The following RALY variants were observed in gnomAD, a reference collection of about 807,000 sequenced individuals.
RALY encodes RALY heterogeneous nuclear ribonucleoprotein.
A neutral mutation model predicts 30.7 loss-of-function variants in RALY; 15 were observed. That is an observed-to-expected ratio of 0.49 (90% CI 0.33 to 0.75). The LOEUF (loss-of-function observed/expected upper bound fraction) is 0.75, where lower values mean the gene tolerates loss of function less well. Among genes scored for constraint, RALY ranks in the 30% least tolerant of loss-of-function variants. The pLI is 0.02. For missense variants in RALY, 339 were observed against 414.3 expected, an observed-to-expected ratio of 0.82 and a Z score of 1.58; for synonymous variants, 177 against 170.8, an observed-to-expected ratio of 1.04 and a Z score of -0.28.
chr20:34,076,668 CT>C lies in RALY; in HGVS notation c.545-33del, dbSNP rs771253393. Reference sequence around the variant, plus strand: ...GTGCTAGTGTCAAGCCTCCAGCCCCCTAGGTGACAGCCCTGTCCCCCCTCCA... The same window carrying C: ...GTGCTAGTGTCAAGCCTCCAGCCCCCAGGTGACAGCCCTGTCCCCCCTCCA... On this transcript the variant is annotated intron_variant, in intron 6 of 9. Transcript: ENST00000246194. The C allele has an allele frequency of 1.6e-5, 25 of 1,579,092 alleles. No homozygotes were observed. The Middle Eastern group carries it at 2.0e-3, about 126-fold the overall frequency.
intron 1 of RALY, among the ~76,000 whole-genome samples, chr20:34,007,842 GT>G (rs1161221474): frequency 1.0e-5 from 1 of 95,470 alleles, no homozygotes; most frequent in Non-Finnish European, 2.3e-5. Flanking sequence ...AAAAAAAAAA[GT>G]TCCCTGGGCC....
intron 1 of RALY, among the ~76,000 whole-genome samples, chr20:34,030,434 C>T (rs1045426184): frequency 6.6e-6 from 1 of 152,212 alleles, no homozygotes; most frequent in African/African-American, 2.4e-5. Flanking sequence ...ATTCCACATT[C>T]CTGGGAACGA....
chr20:34,035,523 A>G (rs1601447986), intron 2 of RALY, among the ~76,000 whole-genome samples: 1 of 152,034 alleles, frequency 6.6e-6, no homozygotes, highest in African/African-American at 2.4e-5. Flanking sequence ...CAGAAAACCA[A>G]GTTTTTTTAT....
chr20:34,078,625 T>C (rs2033961473), intron 9 of RALY, 72 bp downstream of exon 9: 5 of 1,403,224 alleles, frequency 3.6e-6, no homozygotes, highest in Non-Finnish European at 3.8e-6. Flanking sequence ...TTTCCCTGGA[T>C]TGGGCAGGAA....
intron 2 of RALY, among the ~76,000 whole-genome samples, chr20:34,048,871 AT>A (rs1568679755): frequency 6.7e-6 from 1 of 150,278 alleles, no homozygotes; most frequent in African/African-American, 2.4e-5. Flanking sequence ...AAAAAAAAAA[AT>A]TTTCTCTGCA....
intron 1 of RALY, among the ~76,000 whole-genome samples, chr20:34,022,150 G>C (rs1381693135): frequency 6.9e-6 from 1 of 144,998 alleles, no homozygotes. Flanking sequence ...TGCTGGTCTC[G>C]AACTCCTGGG....
At chr20:34,076,158 C>G in intron 6 of RALY, 118 bp downstream of exon 6, 2 of 1,240,094 alleles carry the variant, frequency 1.6e-6, no homozygotes, top group South Asian at 3.0e-5. Flanking sequence ...AGTTCTGCTG[C>G]TCTAACACAG....
At chr20:34,018,332 AGTCCTCT>A (rs1396263838) in intron 1 of RALY, among the ~76,000 whole-genome samples, 1 of 152,194 alleles carries the variant, frequency 6.6e-6, no homozygotes, top group Admixed American at 6.5e-5. Flanking sequence ...GAAGAGCAGC[AGTCCTCT>A]GTCCTCTGGG....
intron 5 of RALY, 63 bp from the exon 6 acceptor site, chr20:34,075,811 G>A (rs1346779286): frequency 6.5e-7 from 1 of 1,530,044 alleles, no homozygotes; most frequent in African/African-American, 1.4e-5. Context: ...TGTAGCCGGA[G>A]CTGCAATACC....
chr20:34,022,046 C>T (rs1167661628), intron 1 of RALY, among the ~76,000 whole-genome samples: 2 of 151,116 alleles, frequency 1.3e-5, no homozygotes, highest in Non-Finnish European at 1.5e-5. Context: ...GCATGAGCCA[C>T]CACACTCAGC....
At chr20:34,043,224 C>T (rs528917594) in intron 2 of RALY, among the ~76,000 whole-genome samples, 2 of 152,330 alleles carry the variant, frequency 1.3e-5, no homozygotes, top group South Asian at 2.1e-4. Context: ...TCTTTTCTTC[C>T]TTGTGGTCTC....
chr20:34,067,816 C>CTT lies in RALY; in HGVS notation c.-9-4235_-9-4234dup, dbSNP rs11480087. On this transcript the variant is annotated intron_variant, in intron 2 of 9. Coordinates refer to ENST00000246194, the MANE Select transcript of RALY (RefSeq NM_016732.3). ...CTCAAACGTAGCTTTTTTCTTTTTT[C>CTT]TTTTTTTTTTTTTTTTGAGACACTG... 4.6e-3 allele frequency among the ~76,000 whole-genome samples: 615 copies of CTT among 132,620 alleles called. 17 individuals carry two copies. The highest frequency in any genetic ancestry group is 0.015 in the South Asian group (62 of 4,184). 87.0% of individuals were successfully genotyped at this position (132,620 alleles called of 152,430 possible). A position where few individuals can be genotyped will look rare whatever the true frequency, so the allele number is the denominator to read the frequency against.
intron 2 of RALY, among the ~76,000 whole-genome samples, chr20:34,066,174 T>C (rs946252820): frequency 4.0e-5 from 6 of 151,308 alleles, no homozygotes; most frequent in African/African-American, 1.5e-4. Flanking sequence ...ATCCTCTTTT[T>C]TTTTTTTTTT....
intron 1 of RALY, among the ~76,000 whole-genome samples, chr20:34,025,151 G>T (rs1232781523): frequency 6.6e-6 from 1 of 152,186 alleles, no homozygotes; most frequent in Non-Finnish European, 1.5e-5. Flanking sequence ...GGGGAGCCCT[G>T]CCTGAGGGAG....
intron 1 of RALY, chr20:34,017,344 A>G (rs1024215710): frequency 6.6e-6 from 1 of 152,224 alleles, no homozygotes; most frequent in South Asian, 2.1e-4. Context: ...CTATTGTACT[A>G]TGCTATTAAT....
At chr20:34,077,362 C>T (rs1015499859) in intron 8 of RALY, 117 bp downstream of exon 8, 3 of 1,547,364 alleles carry the variant, frequency 1.9e-6, no homozygotes, top group Non-Finnish European at 2.6e-6. Flanking sequence ...CTGTTCTCTC[C>T]TTCCCAGGGG....
At chr20:34,009,220 GGT>G (rs2031292514) in intron 1 of RALY, among the ~76,000 whole-genome samples, 1 of 151,154 alleles carries the variant, frequency 6.6e-6, no homozygotes, top group Non-Finnish European at 1.5e-5. Context: ...GTTTTGTTTT[GGT>G]GTGTGTGTGG....
Position 34,036,370 on chromosome 20 carries a change from A to G in RALY, c.-10+4766A>G, listed in dbSNP as rs1319904454. ...TTATGGTCTTTGTTCTTTATTCTAC[A>G]TTGACATTACATTAATTGATTTTCA... On this transcript the variant is annotated intron_variant, in intron 2 of 9. Coordinates refer to ENST00000246194, the MANE Select transcript of RALY (RefSeq NM_016732.3). Among the ~76,000 whole-genome samples, 3 of 152,310 alleles carry G rather than the reference A, an allele frequency of 2.0e-5. No individual in the cohort carries two copies. In the East Asian group the frequency reaches 5.8e-4, roughly 29 times the overall value.
At chr20:34,003,209 A>G (rs1333819415) in intron 1 of RALY, among the ~76,000 whole-genome samples, 1 of 152,172 alleles carries the variant, frequency 6.6e-6, no homozygotes, top group East Asian at 1.9e-4. Context: ...TAATAAGGCC[A>G]TGTAAACTGG....
Sources: allele counts gnomAD v4.1 joint callset (sites outside exome capture counted in the v4.1 genomes callset), GRCh38; gene constraint gnomAD v4.1.1; transcripts MANE v1.5; gene names NCBI Gene and HGNC (gene_info 2026-07-23, HGNC 2026-07-21).